Variants in EVL observed in about 807,000 individuals in gnomAD.
EVL encodes ena/VASP-like protein.
EVL carries 21 observed loss-of-function variants against 59.6 expected under a neutral mutation model. The observed-to-expected ratio is 0.35, with a 90% CI of 0.25 to 0.51. The LOEUF (loss-of-function observed/expected upper bound fraction) is 0.51, where lower values mean the gene tolerates loss of function less well. Among genes scored for constraint, EVL ranks in the 20% least tolerant of loss-of-function variants. The pLI is 0.97. For missense variants in EVL, 462 were observed against 546.6 expected, an observed-to-expected ratio of 0.85 and a Z score of 1.54; for synonymous variants, 198 against 203.5, an observed-to-expected ratio of 0.97 and a Z score of 0.23.
chr14:100,002,857 C>T (rs2060954358), intron 1 of EVL, among the ~76,000 whole-genome samples: 2 of 152,134 alleles, frequency 1.3e-5, no homozygotes, highest in Non-Finnish European at 2.9e-5. Flanking sequence ...CTTAATTTTC[C>T]AAACAATAAG....
rs372864579 is a variant in EVL, at chr14:100,143,762, T to A, written c.*24T>A. ...AAGGGGCCGGCCTCGCTGCGCTGAT[T>A]CGTCGAGCCCATCCGGCGACAGAGG... On this transcript the variant is annotated 3_prime_UTR_variant, in exon 14 of 14. Transcript: ENST00000392920. 6.2e-7 allele frequency: 1 copy of A among 1,609,682 alleles called. No homozygotes were observed. The highest frequency in any genetic ancestry group is 8.5e-7 in the Non-Finnish European group (1 of 1,178,332).
At chr14:100,141,597 G>A in intron 12 of EVL, 139 bp from the exon 13 acceptor site, 1 of 738,588 alleles carries the variant, frequency 1.4e-6, no homozygotes, top group South Asian at 2.0e-5. Context: ...GTGGGAAGGG[G>A]GCCACGAGGA....
At chr14:100,012,163 C>A (rs2061020686) in intron 1 of EVL, among the ~76,000 whole-genome samples, 1 of 152,124 alleles carries the variant, frequency 6.6e-6, no homozygotes, top group Non-Finnish European at 1.5e-5. Flanking sequence ...GGAAAAAAAT[C>A]TAGTAACACT....
At position 100,143,735 on chromosome 14, in the gene EVL, G is replaced by C. The variant is rs370121912; in HGVS notation, c.1254G>C (p.Thr418=). The C allele has an allele frequency of 9.3e-6, 15 of 1,612,384 alleles. No individual in the cohort carries two copies. The South Asian group carries it at 1.5e-4, about 17-fold the overall frequency. The change falls in exon 14 of 14, where the codon ACG becomes ACC. Residue 418 remains threonine, a synonymous_variant. Coordinates refer to ENST00000392920, the MANE Select transcript of EVL (RefSeq NM_016337.3). ...AGGAGCTGAGTGGGATCAGCACCACGTAAGGGGCCGGCCTCGCTGCGCTGA... is the reference window on the plus strand; with the variant it reads ...AGGAGCTGAGTGGGATCAGCACCACCTAAGGGGCCGGCCTCGCTGCGCTGA... The part of the protein sequence containing the change: ...IRQELSGIST[T]
In EVL at chr14:100,129,905, G is replaced by A. The variant is rs192512499; in HGVS notation, c.839+221G>A. Among the ~76,000 whole-genome samples, 434 of 152,334 alleles carry A rather than the reference G, an allele frequency of 2.8e-3. 2 individuals are homozygous for A. The highest frequency in any genetic ancestry group is 0.01 in the African/African-American group (422 of 41,576). ...ACTCCAGATCCTTCATTTTAGCTCA[G>A]CAAATATTTCCTGAAGCATCTACCA... On this transcript the variant is annotated intron_variant, in intron 7 of 13. Coordinates refer to ENST00000392920, the MANE Select transcript of EVL (RefSeq NM_016337.3).
At chr14:100,083,429 A>G (rs2062357994) in intron 1 of EVL, among the ~76,000 whole-genome samples, 1 of 151,782 alleles carries the variant, frequency 6.6e-6, no homozygotes, top group African/African-American at 2.4e-5. Context: ...GCGGTGGCAC[A>G]ATCACAATTC....
At chr14:99,985,173 G>C (rs2060832188) in intron 1 of EVL, among the ~76,000 whole-genome samples, 1 of 151,734 alleles carries the variant, frequency 6.6e-6, no homozygotes, top group Admixed American at 6.6e-5. Flanking sequence ...CAAGATAGTG[G>C]GGCTAGGGAT....
intron 1 of EVL, among the ~76,000 whole-genome samples, chr14:99,982,644 G>T (rs1206632332): frequency 6.6e-6 from 1 of 152,074 alleles, no homozygotes; most frequent in Non-Finnish European, 1.5e-5. Flanking sequence ...AGGGGAGGGA[G>T]CCCTGTTCCC....
At chr14:100,054,465 T>C (rs1481980412) in intron 1 of EVL, among the ~76,000 whole-genome samples, 2 of 152,144 alleles carry the variant, frequency 1.3e-5, no homozygotes, top group Admixed American at 6.5e-5. Context: ...CTGTCTTTCG[T>C]ATACAAACCA....
chr14:100,039,171 G>T lies in EVL; in HGVS notation c.6-45516G>T, dbSNP rs201805335. ...AGGATTCCTCATATGAATACCCCAT[G>T]ATTTCAGCTTTTCTCACTTTATGAA... On this transcript the variant is annotated intron_variant, in intron 1 of 13. Transcript: ENST00000402714. 3.5e-4 allele frequency among the ~76,000 whole-genome samples: 53 copies of T among 152,288 alleles called. No individual in the cohort carries two copies. The East Asian group carries it at 6.6e-3, about 19-fold the overall frequency.
At chr14:100,078,019 C>T (rs1174719976) in intron 1 of EVL, among the ~76,000 whole-genome samples, 1 of 152,166 alleles carries the variant, frequency 6.6e-6, no homozygotes, top group Non-Finnish European at 1.5e-5. Flanking sequence ...CGTGATCCGC[C>T]CGCCTTGGCC....
intron 1 of EVL, among the ~76,000 whole-genome samples, chr14:100,082,493 G>A (rs1236467322): frequency 2.6e-5 from 4 of 152,170 alleles, no homozygotes; most frequent in East Asian, 3.9e-4. Context: ...GGAGAGAAGC[G>A]AGTGGCATGT....
Position 100,119,942 on chromosome 14 carries a change from A to G in EVL, c.359-3597A>G, listed in dbSNP as rs539675816. Among the ~76,000 whole-genome samples, 67 of 152,294 alleles carry G rather than the reference A, an allele frequency of 4.4e-4. No homozygotes were observed. In the South Asian group the frequency reaches 5.4e-3, roughly 12 times the overall value. On this transcript the variant is annotated intron_variant, in intron 3 of 13. Coordinates refer to ENST00000392920, the MANE Select transcript of EVL (RefSeq NM_016337.3). ...TCGTTGCCATACATTCACTGTACAAAGGAGGGCACCTCATGGCCACAGAAG... is the reference window on the plus strand; with the variant it reads ...TCGTTGCCATACATTCACTGTACAAGGGAGGGCACCTCATGGCCACAGAAG...
intron 1 of EVL, among the ~76,000 whole-genome samples, chr14:100,038,158 T>C (rs1001849508): frequency 6.6e-6 from 1 of 152,168 alleles, no homozygotes; most frequent in Non-Finnish European, 1.5e-5. Flanking sequence ...CAGAAGGAAG[T>C]GCCTGGCAAC....
chr14:100,135,652 T>G, intron 8 of EVL: 3 of 429,040 alleles, frequency 7.0e-6, no homozygotes, highest in Non-Finnish European at 1.3e-5. Context: ...CAGAAGGAAG[T>G]TCTATATCAC....
intron 1 of EVL, among the ~76,000 whole-genome samples, chr14:100,069,813 A>G (rs2062011499): frequency 6.6e-6 from 1 of 152,236 alleles, no homozygotes. Flanking sequence ...GGAGGAAAAT[A>G]ACAACAGCTC....
intron 1 of EVL, among the ~76,000 whole-genome samples, chr14:100,076,676 C>T (rs1383704560): frequency 6.6e-6 from 1 of 152,166 alleles, no homozygotes; most frequent in East Asian, 1.9e-4. Flanking sequence ...CTCGGCTCGG[C>T]TGAGAAAAGT....
intron 3 of EVL, among the ~76,000 whole-genome samples, chr14:100,113,554 C>T (rs1887137194): frequency 6.6e-6 from 1 of 151,988 alleles, no homozygotes; most frequent in African/African-American, 2.4e-5. Context: ...GTCTGCTCAT[C>T]GTGTGGGGGA....
chr14:100,050,254 C>T (rs2061624566), intron 1 of EVL, among the ~76,000 whole-genome samples: 4 of 152,170 alleles, frequency 2.6e-5, no homozygotes, highest in Admixed American at 2.6e-4. Flanking sequence ...TGTCTTTAAA[C>T]ATATATAACT....
Sources: gnomAD v4.1 joint callset for allele counts (sites outside exome capture counted in the v4.1 genomes callset) on GRCh38, gnomAD v4.1.1 for gene constraint, MANE v1.5 for transcripts, NCBI Gene and HGNC (gene_info 2026-07-23, HGNC 2026-07-21) for gene names.